The following TRIML2 variants were observed in gnomAD, a reference collection of about 807,000 sequenced individuals.
The protein encoded by TRIML2 is tripartite motif family like 2.
TRIML2 carries 28 observed loss-of-function variants against 31.2 expected under a neutral mutation model. The ratio of observed to expected loss-of-function variants is 0.90; its 90% CI spans 0.66 to 1.23. The LOEUF (loss-of-function observed/expected upper bound fraction) is 1.23, where lower values mean the gene tolerates loss of function less well. Among genes scored for constraint, TRIML2 ranks in the 50% most tolerant of loss-of-function variants. TRIML2 has a pLI of 0.00. For synonymous variants in TRIML2, 187 were observed against 197.5 expected, an observed-to-expected ratio of 0.95 and a Z score of 0.45; for missense variants, 536 against 528.3, an observed-to-expected ratio of 1.01 and a Z score of -0.14.
chr4:188,102,208 G>A (rs2111180807), intron 3 of TRIML2, among the ~76,000 whole-genome samples: 1 of 152,076 alleles, frequency 6.6e-6, no homozygotes, highest in South Asian at 2.1e-4. Context: ...AACAGAGGAG[G>A]AGACCAGGAC....
chr4:188,101,227 CT>C lies in TRIML2; in HGVS notation c.308del (p.Lys103ArgfsTer2). 6.2e-7 allele frequency: 1 copy of C among 1,611,218 alleles called. No homozygotes were observed. The highest frequency in any genetic ancestry group is 8.5e-7 in the Non-Finnish European group (1 of 1,179,420). On this transcript the variant is annotated frameshift_variant, in exon 4 of 8. Coordinates refer to ENST00000682553, the MANE Select transcript of TRIML2 (RefSeq NM_173553.4). LOFTEE classifies it high-confidence loss of function. ...MIQEEEQNFK[K>X]MIESEYSMRL... ...TCATACTATACTCAGACTCAATCAT[CT>C]TTTTAAAATTTTGTTCCTCTTCCTT...
chr4:188,101,913 G>A (rs537884972), intron 3 of TRIML2, among the ~76,000 whole-genome samples: 8 of 151,814 alleles, frequency 5.3e-5, no homozygotes, highest in African/African-American at 1.5e-4. Flanking sequence ...GGCGGATCAC[G>A]AGGTCAGGAG....
chr4:188,093,079 A>C (rs1232281242), intron 7 of TRIML2: 2 of 347,986 alleles, frequency 5.7e-6, no homozygotes, highest in Admixed American at 7.6e-5. Flanking sequence ...CCAAAATGGA[A>C]CTTCAACGCC....
intron 7 of TRIML2, among the ~76,000 whole-genome samples, chr4:188,094,316 G>C (rs913759264): frequency 9.2e-5 from 14 of 152,162 alleles, no homozygotes; most frequent in African/African-American, 1.7e-4. Flanking sequence ...TTACAGACTG[G>C]AAAGGCAGAA....
At position 188,104,847 on chromosome 4, in the gene TRIML2, G is replaced by C; in HGVS notation, c.275C>G (p.Ala92Gly). Residue 92 changes from alanine (A) to glycine (G), a missense_variant, in exon 3 of 8, where the codon GCG (alanine) becomes GGG (glycine). Physicochemically the swap from Ala to Gly is moderately conservative, Grantham distance 60. Transcript: ENST00000682553. The stretch of plus-strand genomic sequence containing the variant: ...TAAGCACTCACTGACCTGAATCATC[G>C]CCATTCTTTCTTGCTCATCAGTCAA... Reference protein sequence around the residue: ...SILTDEQERMAMIQEEEQNFK... With the variant: ...SILTDEQERMGMIQEEEQNFK... 6.2e-7 allele frequency: 1 copy of C among 1,613,140 alleles called. No homozygotes were observed. The highest frequency in any genetic ancestry group is 8.5e-7 in the Non-Finnish European group (1 of 1,179,408).
chr4:188,093,759 C>A (rs1483164813), intron 7 of TRIML2, among the ~76,000 whole-genome samples: 1 of 146,588 alleles, frequency 6.8e-6, no homozygotes, highest in African/African-American at 2.7e-5. Flanking sequence ...TCTTAGTAAA[C>A]CAGAAATAAA....
intron 1 of TRIML2, among the ~76,000 whole-genome samples, chr4:188,107,520 T>G (rs1251510163): frequency 6.6e-6 from 1 of 152,140 alleles, no homozygotes; most frequent in Non-Finnish European, 1.5e-5. Context: ...CATCCATAAT[T>G]TTGATATGTT....
intron 3 of TRIML2, among the ~76,000 whole-genome samples, chr4:188,101,905 C>T (rs924014955): frequency 9.9e-5 from 15 of 150,982 alleles, no homozygotes; most frequent in East Asian, 6.0e-4. Flanking sequence ...CCGAGGCAGG[C>T]GGATCACGAG....
At chr4:188,106,770 TC>T in intron 1 of TRIML2, 2 of 215,370 alleles carry the variant, frequency 9.3e-6, no homozygotes, top group Admixed American at 4.5e-5. Flanking sequence ...AGTCCGTGGT[TC>T]CCCGGCCCGC....
chr4:188,103,068 A>G (rs1314277966), intron 3 of TRIML2, among the ~76,000 whole-genome samples: 1 of 127,764 alleles, frequency 7.8e-6, no homozygotes, highest in African/African-American at 3.0e-5. Flanking sequence ...GCTGGAGTGC[A>G]GTGGCGCCAT....
chr4:188,101,148 A>G lies in TRIML2; in HGVS notation c.388T>C (p.Cys130Arg). 1 of 1,613,930 alleles carries G rather than the reference A, an allele frequency of 6.2e-7. No individual in the cohort carries two copies. Among genetic ancestry groups the G allele is most frequent in the Non-Finnish European group, 8.5e-7 (1 of 1,179,970 alleles). ...TCTCTCAGGTTCAAGTCAGATATGC[A>G]TTCCTGCTGTCTCTGGAGATTCTGC... Reference protein sequence around the residue: ...CEQNLQRQQECISDLNLRETL... With the variant: ...CEQNLQRQQERISDLNLRETL... Residue 130 changes from cysteine (C) to arginine (R), a missense_variant, in exon 4 of 8, where the codon TGC (cysteine) becomes CGC (arginine). Coordinates refer to ENST00000682553, the MANE Select transcript of TRIML2 (RefSeq NM_173553.4).
At chr4:188,097,005 A>T (rs1733547729) in intron 7 of TRIML2, 56 bp downstream of exon 7, 1 of 1,277,298 alleles carries the variant, frequency 7.8e-7, no homozygotes, top group Non-Finnish European at 1.1e-6. Flanking sequence ...CAGGATGGTC[A>T]CCTGATTCTC....
chr4:188,103,209 C>T (rs907768323), intron 3 of TRIML2, among the ~76,000 whole-genome samples: 1 of 151,814 alleles, frequency 6.6e-6, no homozygotes, highest in Non-Finnish European at 1.5e-5. Flanking sequence ...ACCGTGTTAG[C>T]CAGGATGGTC....
chr4:188,094,136 C>A (rs1198884490), intron 7 of TRIML2, among the ~76,000 whole-genome samples: 18 of 142,786 alleles, frequency 1.3e-4, no homozygotes, highest in Non-Finnish European at 2.0e-4. Flanking sequence ...ACAAAAAACA[C>A]AAAACAACAA....
intron 1 of TRIML2, among the ~76,000 whole-genome samples, chr4:188,106,213 C>A (rs573064357): frequency 6.6e-6 from 1 of 151,582 alleles, no homozygotes. Context: ...CCTCGCCCGG[C>A]TAATTTTTTG....
rs1482293620 is a variant in TRIML2, at chr4:188,099,124, C to T, written c.532G>A (p.Ala178Thr). 3.1e-6 allele frequency: 5 copies of T among 1,613,544 alleles called. No homozygotes were observed. The highest frequency in any genetic ancestry group is 1.7e-5 in the Admixed American group (1 of 59,950). ...CTGCGGACCTGTTCAGAAGCCCTGGCTTCACTCTCCTTCAGTTTCTCCATG... is the reference window on the plus strand; with the variant it reads ...CTGCGGACCTGTTCAGAAGCCCTGGTTTCACTCTCCTTCAGTTTCTCCATG... ...ENMEKLKESE[A>T]RASEQVRSLL... is the part of the protein sequence containing the mutation. Residue 178 changes from alanine (A) to threonine (T), a missense_variant, in exon 5 of 8, where the codon GCC becomes ACC. Physicochemically the swap from Ala to Thr is moderately conservative, Grantham distance 58 (BLOSUM62 0). Transcript: ENST00000682553.
chr4:188,100,759 C>T (rs116746339), intron 4 of TRIML2, among the ~76,000 whole-genome samples: 2,924 of 152,240 alleles, frequency 0.019, 94 homozygotes, highest in African/African-American at 0.066. Context: ...TGGCTCTAAA[C>T]TGAAACTCAG....
At position 188,105,280 on chromosome 4, in the gene TRIML2, C is replaced by G. The variant is rs756736330; in HGVS notation, c.89G>C (p.Cys30Ser). ...GCAGAGTGTGATTTGGTCAACATCA[C>G]AGAACAGCCGTGTTGGTTCCAGGTG... is the stretch of plus-strand genomic sequence containing the variant. ...ETHLEPTRLFCDVDQITLCSK... is the reference protein window; with the variant it reads ...ETHLEPTRLFSDVDQITLCSK... Residue 30 changes from cysteine (C) to serine (S), a missense_variant, in exon 2 of 8, where the codon TGT (cysteine) becomes TCT (serine). Physicochemically the swap from Cys to Ser is moderately radical, Grantham distance 112. Transcript: ENST00000682553. 1.2e-6 allele frequency: 2 copies of G among 1,612,848 alleles called. No homozygotes were observed. The highest frequency in any genetic ancestry group is 2.2e-5 in the East Asian group (1 of 44,820).
chr4:188,091,655 C>T lies in TRIML2; in HGVS notation c.1032G>A (p.Ser344=), dbSNP rs2279551. Residue 344 remains serine (S), a synonymous_variant, in exon 8 of 8, where the codon TCG becomes TCA. Transcript: ENST00000682553. The part of the protein sequence containing the change: ...ASGEKVLLTG[S]VMGTEWTLWV... ...AGAGAGTCCACTCGGTCCCCATCAC[C>T]GACCCCGTGAGCAAGACTTTCTCTC... is the stretch of plus-strand genomic sequence containing the variant. 114,651 of 1,613,530 alleles carry T rather than the reference C, an allele frequency of 0.071. 9,870 individuals carry two copies. The highest frequency in any genetic ancestry group is 0.52 in the East Asian group (23,475 of 44,802).
Sources: gnomAD v4.1 joint callset for allele counts (sites outside exome capture counted in the v4.1 genomes callset) on GRCh38, gnomAD v4.1.1 for gene constraint, MANE v1.5 for transcripts, NCBI Gene and HGNC (gene_info 2026-07-23, HGNC 2026-07-21) for gene names.